CCDC7: variants seen among roughly 807,000 people sequenced by gnomAD.
The protein encoded by CCDC7 is coiled-coil domain-containing protein 7.
Under a neutral mutation model 196.9 loss-of-function variants are expected in CCDC7, and 183 were observed. The observed-to-expected ratio is 0.93, with a 90% CI of 0.82 to 1.05. CCDC7 has a LOEUF of 1.05. Among genes scored for constraint, CCDC7 ranks in the 50% least tolerant of loss-of-function variants. The pLI is 0.00. For synonymous variants in CCDC7, 525 were observed against 484.6 expected, an observed-to-expected ratio of 1.08 and a Z score of -1.10; for missense variants, 1,540 against 1,482.2, an observed-to-expected ratio of 1.04 and a Z score of -0.64.
chr10:32,576,784 CAG>C (rs1171541979), intron 16 of CCDC7, among the ~76,000 whole-genome samples: 1 of 151,978 alleles, frequency 6.6e-6, no homozygotes, highest in Non-Finnish European at 1.5e-5. Context: ...CTCCTGGACT[CAG>C]GGACTTTTCG....
intron 11 of CCDC7, among the ~76,000 whole-genome samples, chr10:32,531,298 A>G (rs938506968): frequency 6.6e-6 from 1 of 151,938 alleles, no homozygotes; most frequent in African/African-American, 2.4e-5. Context: ...ATTGTTCTTT[A>G]TCTTTTACAG....
intron 30 of CCDC7, among the ~76,000 whole-genome samples, chr10:32,806,778 C>T (rs2085941250): frequency 6.6e-6 from 1 of 152,080 alleles, no homozygotes; most frequent in Admixed American, 6.6e-5. Context: ...CATCCAAGCT[C>T]AATTAATTCT....
rs1445368488 is a variant in CCDC7, at chr10:32,874,180, G to T, written c.4112-2167G>T. 2.0e-5 allele frequency among the ~76,000 whole-genome samples: 3 copies of T among 148,098 alleles called. No individual in the cohort carries two copies. In the Admixed American group the frequency reaches 2.0e-4, roughly 10 times the overall value. On this transcript the variant is annotated intron_variant, in intron 41 of 41. Transcript: ENST00000639629. ...ATATATAATTATATTCAATTATAAA[G>T]ATATATAAATATATTAACATAAATG...
At chr10:32,706,435 C>A (rs1036782231) in intron 24 of CCDC7, among the ~76,000 whole-genome samples, 10 of 152,124 alleles carry the variant, frequency 6.6e-5, no homozygotes, top group African/African-American at 2.2e-4. Flanking sequence ...CAAACACATT[C>A]AAAAGCTAGC....
chr10:32,795,535 ACT>A (rs1382284387), intron 29 of CCDC7, among the ~76,000 whole-genome samples: 1 of 151,462 alleles, frequency 6.6e-6, no homozygotes, highest in African/African-American at 2.4e-5. Flanking sequence ...TGGTCGGAAA[ACT>A]CTCATCATCT....
intron 5 of CCDC7, among the ~76,000 whole-genome samples, chr10:32,469,557 C>T (rs2037521349): frequency 6.6e-6 from 1 of 152,148 alleles, no homozygotes; most frequent in Non-Finnish European, 1.5e-5. Context: ...AGCCACCTTC[C>T]AGAGAGGTGT....
chr10:32,525,451 T>C (rs1564548582), intron 11 of CCDC7, among the ~76,000 whole-genome samples: 1 of 152,354 alleles, frequency 6.6e-6, no homozygotes, highest in South Asian at 2.1e-4. Context: ...TCTGAATTCC[T>C]TCTCTGTATT....
chr10:32,828,550 A>AAGAAGAAGAAGAAGT (rs2091734535), intron 32 of CCDC7, among the ~76,000 whole-genome samples: 1 of 147,716 alleles, frequency 6.8e-6, no homozygotes, highest in African/African-American at 2.5e-5. Context: ...GAAGAAGAAG[A>AAGAAGAAGAAGAAGT]AGAAGAAGAA....
chr10:32,589,841 T>C (rs2059622606), intron 18 of CCDC7, among the ~76,000 whole-genome samples: 2 of 152,162 alleles, frequency 1.3e-5, no homozygotes, highest in Admixed American at 1.3e-4. Flanking sequence ...TATCTTGAAA[T>C]GTATTGTGTC....
intron 28 of CCDC7, among the ~76,000 whole-genome samples, chr10:32,731,807 A>G (rs1387051212): frequency 6.6e-6 from 1 of 152,206 alleles, no homozygotes; most frequent in East Asian, 1.9e-4. Context: ...TAATCCCAGC[A>G]CTTTGGGAAG....
chr10:32,730,786 A>T (rs1231259908), intron 28 of CCDC7, among the ~76,000 whole-genome samples: 1 of 152,024 alleles, frequency 6.6e-6, no homozygotes, highest in African/African-American at 2.4e-5. Context: ...CCAGAAAAAG[A>T]TGAGGTATTA....
rs1554812921 is a variant in CCDC7 at position 32,511,263 on chromosome 10, G to GC, written c.873-6682_873-6681insC. 3.9e-5 allele frequency: 23 copies of GC among 591,272 alleles called. 2 individuals are homozygous for GC. Among genetic ancestry groups the GC allele is most frequent in the South Asian group, 3.6e-4 (16 of 45,046 alleles). 36.6% of individuals were successfully genotyped at this position (591,272 alleles called of 1,614,324 possible). A position where few individuals can be genotyped will look rare whatever the true frequency, so the allele number is the denominator to read the frequency against. On this transcript the variant is annotated intron_variant, in intron 9 of 41. Transcript: ENST00000639629. ...CCACAGAATTATTCTGTGGGGGGCG[G>GC]GGGGGGCGGGGAAATGTACTTTTTG...
At chr10:32,612,950 G>C (rs911982056) in intron 18 of CCDC7, among the ~76,000 whole-genome samples, 3 of 152,036 alleles carry the variant, frequency 2.0e-5, no homozygotes, top group Non-Finnish European at 4.4e-5. Flanking sequence ...AATGAGTTAG[G>C]TGGGAGTTCC....
intron 32 of CCDC7, among the ~76,000 whole-genome samples, chr10:32,826,741 A>G (rs1418349003): frequency 6.6e-6 from 1 of 152,218 alleles, no homozygotes; most frequent in Non-Finnish European, 1.5e-5. Context: ...ACCACTCGAA[A>G]GTGGACAGCT....
intron 13 of CCDC7, among the ~76,000 whole-genome samples, chr10:32,558,895 A>G (rs1658612782): frequency 1.3e-5 from 2 of 152,262 alleles, no homozygotes; most frequent in Admixed American, 1.3e-4. Flanking sequence ...GCAAGGGGTC[A>G]GGGAGTTCCC....
chr10:32,488,514 C>A (rs796389654), intron 8 of CCDC7, among the ~76,000 whole-genome samples: 8 of 152,270 alleles, frequency 5.3e-5, no homozygotes, highest in African/African-American at 1.9e-4. Context: ...TCCGACACTC[C>A]CCAGTGAGAT....
chr10:32,712,468 G>A (rs2080989058), intron 25 of CCDC7, among the ~76,000 whole-genome samples: 1 of 152,112 alleles, frequency 6.6e-6, no homozygotes, highest in Admixed American at 6.5e-5. Flanking sequence ...GCTGCACGTG[G>A]GTGAACAGAG....
intron 13 of CCDC7, 130 bp from the exon 15 acceptor site, chr10:32,565,428 T>C (rs1391988101): frequency 1.2e-6 from 1 of 811,578 alleles, no homozygotes; most frequent in South Asian, 2.8e-5. Flanking sequence ...ACTTGAGAGA[T>C]GTGCAGTTCA....
chr10:32,505,388 G>A (rs1051014166), intron 9 of CCDC7, among the ~76,000 whole-genome samples: 19 of 151,880 alleles, frequency 1.3e-4, no homozygotes, highest in Non-Finnish European at 5.9e-5. Context: ...GACTCTTAAC[G>A]AGCATGCTGC....
Sources: allele counts gnomAD v4.1 joint callset (sites outside exome capture counted in the v4.1 genomes callset), GRCh38; gene constraint gnomAD v4.1.1; transcripts MANE v1.5; gene names NCBI Gene and HGNC (gene_info 2026-07-23, HGNC 2026-07-21).